Variants in AVEN observed in about 807,000 individuals in gnomAD.
AVEN encodes cell death regulator Aven.
In AVEN, 41 loss-of-function variants were observed where a neutral mutation model predicts 38.1. That is an observed-to-expected ratio of 1.08 (90% CI 0.84 to 1.40). The LOEUF (loss-of-function observed/expected upper bound fraction) is 1.40, where lower values mean the gene tolerates loss of function less well. AVEN is among the 40% of genes most tolerant of loss of function. The pLI, the probability that AVEN is intolerant of heterozygous loss-of-function variation, is 0.00. For missense variants in AVEN, 605 were observed against 438.8 expected (o/e 1.38, Z -3.38); for synonymous variants, 206 against 171.8 (o/e 1.20, Z -1.56).
At chr15:34,007,985 G>C (rs1432397517) in intron 1 of AVEN, among the ~76,000 whole-genome samples, 1 of 152,186 alleles carries the variant, frequency 6.6e-6, no homozygotes, top group Non-Finnish European at 1.5e-5. Flanking sequence ...AATCAAGTAA[G>C]ACCTTACTTT....
chr15:34,030,914 G>A (rs1053707604), intron 1 of AVEN, among the ~76,000 whole-genome samples: 2 of 151,912 alleles, frequency 1.3e-5, no homozygotes, highest in Admixed American at 6.6e-5. Context: ...CACTACACCT[G>A]GCCTAAATAT....
chr15:34,058,507 A>C (rs964542653), intron 5 of AVEN, among the ~76,000 whole-genome samples: 1 of 151,844 alleles, frequency 6.6e-6, no homozygotes, highest in Admixed American at 6.6e-5. Context: ...ACAGGCCACT[A>C]TAAATCTTCA....
At position 33,973,182 on chromosome 15, in the gene AVEN, G is replaced by A. The variant is rs529065703; in HGVS notation, c.445+29850C>T. On this transcript the variant is annotated intron_variant, in intron 2 of 5. Coordinates refer to ENST00000306730, the MANE Select transcript of AVEN (RefSeq NM_020371.3). ...CACACTGTTGTCATCATCAGACTAC[G>A]TGGGCCTTCTTATTTCCTGATTATC... Among the ~76,000 whole-genome samples the A allele has an allele frequency of 4.6e-5, 7 of 152,276 alleles. No homozygotes were observed. The East Asian group carries it at 5.8e-4, about 13-fold the overall frequency.
intron 2 of AVEN, among the ~76,000 whole-genome samples, chr15:33,920,101 C>G (rs924776062): frequency 6.6e-6 from 1 of 152,200 alleles, no homozygotes; most frequent in East Asian, 1.9e-4. Context: ...AACCCTAACC[C>G]TGGATTAATG....
At chr15:34,013,088 G>GTC (rs1719761990) in intron 1 of AVEN, among the ~76,000 whole-genome samples, 1 of 151,736 alleles carries the variant, frequency 6.6e-6, no homozygotes, top group African/African-American at 2.4e-5. Flanking sequence ...TTGAGACAGA[G>GTC]TCTCACTCTG....
chr15:33,948,392 G>A lies in AVEN; in HGVS notation c.445+54640C>T, dbSNP rs145813391. On this transcript the variant is annotated intron_variant, in intron 2 of 5. Coordinates refer to ENST00000306730, the MANE Select transcript of AVEN (RefSeq NM_020371.3). The stretch of plus-strand genomic sequence containing the variant: ...TTACAGGCGTGAGCCACCACGCCCA[G>A]CCTATTTTTTATATTTTAAAAGTAA... Among the ~76,000 whole-genome samples the A allele has an allele frequency of 9.7e-3, 1,477 of 152,094 alleles. 22 individuals are homozygous for A. Among genetic ancestry groups the A allele is most frequent in the African/African-American group, 0.034 (1,410 of 41,484 alleles).
At chr15:33,969,215 T>C (rs1026959516) in intron 2 of AVEN, 2 of 152,096 alleles carry the variant, frequency 1.3e-5, no homozygotes, top group Non-Finnish European at 2.9e-5. Flanking sequence ...GCTCGTGCTG[T>C]GAATGAGATA....
rs147775104 is a variant in AVEN, at chr15:33,950,746, C to T, written c.445+52286G>A. ...TCTGGCTGGGTTCAGTGGCTCACAC[C>T]TGTAATCTCAGCACTTTGGGAGGCC... is the stretch of plus-strand genomic sequence containing the variant. On this transcript the variant is annotated intron_variant, in intron 2 of 5. Transcript: ENST00000306730. Among the ~76,000 whole-genome samples the T allele has an allele frequency of 5.0e-3, 754 of 152,296 alleles. 8 individuals are homozygous for T. The highest frequency in any genetic ancestry group is 7.1e-3 in the Non-Finnish European group (486 of 68,028).
intron 2 of AVEN, among the ~76,000 whole-genome samples, chr15:33,900,034 G>T (rs1475681728): frequency 1.3e-5 from 2 of 151,662 alleles, no homozygotes; most frequent in Non-Finnish European, 2.9e-5. Flanking sequence ...TTCACAGTAA[G>T]AATGCCAAGG....
intron 3 of AVEN, among the ~76,000 whole-genome samples, chr15:33,872,162 G>C (rs1464015123): frequency 1.3e-5 from 2 of 152,164 alleles, no homozygotes; most frequent in Non-Finnish European, 2.9e-5. Flanking sequence ...GTGCTGGGGA[G>C]AGGGGAGCCA....
At chr15:33,860,943 C>G in intron 11 of AVEN, 1 of 639,644 alleles carries the variant, frequency 1.6e-6, no homozygotes, top group Non-Finnish European at 2.6e-6. Context: ...TATGGCACTA[C>G]TGAGTGAATG....
rs1897207900 is a variant in AVEN, at chr15:34,003,215, A to G, written c.268-6T>C. 4 of 1,612,760 alleles carry G rather than the reference A, an allele frequency of 2.5e-6. No homozygotes were observed. Among genetic ancestry groups the G allele is most frequent in the Non-Finnish European group, 3.4e-6 (4 of 1,179,606 alleles). On this transcript the variant is annotated splice_polypyrimidine_tract_variant and splice_region_variant and intron_variant, in intron 1 of 5. Coordinates refer to ENST00000306730, the MANE Select transcript of AVEN (RefSeq NM_020371.3). ...GCATCGCTGTCATCTTCAACCTGCA[A>G]TCATTAGAGACAAATCAATAAGTAA...
intron 2 of AVEN, among the ~76,000 whole-genome samples, chr15:33,929,007 G>A (rs1893737591): frequency 6.6e-6 from 1 of 151,990 alleles, no homozygotes. Flanking sequence ...ACGGCCTCAA[G>A]AAACTCAAAG....
At chr15:33,966,649 A>G (rs975164659) in intron 2 of AVEN, among the ~76,000 whole-genome samples, 1 of 16,500 alleles carries the variant, frequency 6.1e-5, no homozygotes, top group African/African-American at 1.5e-4. Context: ...CATCCAGCCA[A>G]TTTGAAAGAT....
chr15:34,067,563 C>G (rs999968834), intron 2 of AVEN: 9 of 152,216 alleles, frequency 5.9e-5, no homozygotes, highest in Admixed American at 5.2e-4. Flanking sequence ...CCTGGCCTTT[C>G]AAGAAAGTTG....
intron 1 of AVEN, among the ~76,000 whole-genome samples, chr15:34,021,099 A>G (rs1465341699): frequency 1.3e-5 from 2 of 152,200 alleles, no homozygotes; most frequent in East Asian, 1.9e-4. Flanking sequence ...TCTCCTTTTC[A>G]GTTCTTCCCC....
intron 1 of AVEN, among the ~76,000 whole-genome samples, chr15:34,028,131 A>G (rs1341284917): frequency 1.3e-5 from 2 of 152,248 alleles, no homozygotes; most frequent in African/African-American, 4.8e-5. Context: ...GGGAGACTTC[A>G]TGCTTCAAGC....
At chr15:33,972,287 T>C (rs1428342830) in intron 2 of AVEN, 1 of 151,968 alleles carries the variant, frequency 6.6e-6, no homozygotes, top group East Asian at 1.9e-4. Context: ...AAATTTCACC[T>C]TGGTTCAAGC....
At chr15:33,938,982 C>T (rs1259423733) in intron 2 of AVEN, among the ~76,000 whole-genome samples, 2 of 152,192 alleles carry the variant, frequency 1.3e-5, no homozygotes, top group Admixed American at 1.3e-4. Flanking sequence ...GCTGGGATTA[C>T]AGGTGCCCAC....
Sources: allele counts gnomAD v4.1 joint callset (sites outside exome capture counted in the v4.1 genomes callset), GRCh38; gene constraint gnomAD v4.1.1; transcripts MANE v1.5; gene names NCBI Gene and HGNC (gene_info 2026-07-23, HGNC 2026-07-21).